SNTG1: variants seen among roughly 807,000 people sequenced by gnomAD.
SNTG1 encodes gamma-1-syntrophin.
SNTG1 carries 39 observed loss-of-function variants against 74.7 expected under a neutral mutation model. The ratio of observed to expected loss-of-function variants is 0.52; its 90% CI spans 0.40 to 0.68. The LOEUF is 0.68. SNTG1 is among the 30% of genes least tolerant of loss of function. The probability of loss-of-function intolerance (pLI) is 0.00; values close to 1 mark genes in which losing one functional copy is unlikely to be tolerated. For missense variants in SNTG1, 685 were observed against 609.5 expected, an observed-to-expected ratio of 1.12 and a Z score of -1.30; for synonymous variants, 254 against 217.1, an observed-to-expected ratio of 1.17 and a Z score of -1.49.
intron 15 of SNTG1, among the ~76,000 whole-genome samples, chr8:50,676,604 A>G (rs1464787400): frequency 2.6e-5 from 4 of 151,356 alleles, no homozygotes; most frequent in Non-Finnish European, 5.9e-5. Flanking sequence ...ACCGTTTCTG[A>G]TTCTTTTAGT....
At chr8:50,394,293 A>C in intron 3 of SNTG1, 28 bp downstream of exon 3, 1 of 1,606,206 alleles carries the variant, frequency 6.2e-7, no homozygotes, top group Non-Finnish European at 8.5e-7. Context: ...TGCTTTTCAA[A>C]CAGGGAAAAC....
chr8:50,291,223 A>C (rs1299633539), intron 2 of SNTG1, among the ~76,000 whole-genome samples: 1 of 136,442 alleles, frequency 7.3e-6, no homozygotes, highest in Non-Finnish European at 1.6e-5. Context: ...GTTTATATAT[A>C]AGAGAGAGAG....
chr8:50,448,343 T>TA (rs1242522514), intron 5 of SNTG1, among the ~76,000 whole-genome samples: 1 of 152,198 alleles, frequency 6.6e-6, no homozygotes, highest in Non-Finnish European at 1.5e-5. Flanking sequence ...CCTGCTTTTC[T>TA]AAAAAACTAT....
At chr8:50,791,768 T>C (rs1418610086) in intron 18 of SNTG1, among the ~76,000 whole-genome samples, 7 of 151,812 alleles carry the variant, frequency 4.6e-5, no homozygotes, top group African/African-American at 1.4e-4. Flanking sequence ...GATAAGTTCA[T>C]CGTATTGATT....
At chr8:50,709,892 T>C (rs2095456890) in intron 17 of SNTG1, among the ~76,000 whole-genome samples, 1 of 152,326 alleles carries the variant, frequency 6.6e-6, no homozygotes, top group Non-Finnish European at 1.5e-5. Context: ...TGAGTAATCC[T>C]TTACCAGAAC....
At chr8:50,137,698 G>A (rs998076313) in intron 1 of SNTG1, among the ~76,000 whole-genome samples, 14 of 152,152 alleles carry the variant, frequency 9.2e-5, no homozygotes, top group African/African-American at 3.4e-4. Flanking sequence ...AAGTGACATG[G>A]AGTAAACCAC....
chr8:50,212,912 C>A (rs776285725), intron 2 of SNTG1, among the ~76,000 whole-genome samples: 8 of 152,144 alleles, frequency 5.3e-5, no homozygotes. Flanking sequence ...TGTGAGAGAA[C>A]GTGTGGAAGC....
At chr8:50,175,918 G>A (rs2131680063) in intron 2 of SNTG1, among the ~76,000 whole-genome samples, 1 of 152,106 alleles carries the variant, frequency 6.6e-6, no homozygotes, top group Admixed American at 6.6e-5. Context: ...AGCTAGGCTG[G>A]CTTCACATTG....
chr8:50,294,362 T>G (rs1431613642), intron 2 of SNTG1, among the ~76,000 whole-genome samples: 1 of 152,218 alleles, frequency 6.6e-6, no homozygotes, highest in Non-Finnish European at 1.5e-5. Flanking sequence ...AAGCTTTCTA[T>G]GCCTTTTAAA....
intron 13 of SNTG1, among the ~76,000 whole-genome samples, chr8:50,639,587 A>G (rs1368720116): frequency 1.3e-5 from 2 of 152,076 alleles, no homozygotes; most frequent in African/African-American, 2.4e-5. Flanking sequence ...AATTGTGTGC[A>G]ATCATGCTTA....
At chr8:50,347,830 C>T (rs955013527) in intron 2 of SNTG1, among the ~76,000 whole-genome samples, 6 of 152,128 alleles carry the variant, frequency 3.9e-5, no homozygotes, top group South Asian at 4.1e-4. Flanking sequence ...GTAAGACATA[C>T]GTACTTAAAT....
At chr8:50,467,917 A>G (rs1311591401) in intron 8 of SNTG1, among the ~76,000 whole-genome samples, 1 of 151,902 alleles carries the variant, frequency 6.6e-6, no homozygotes, top group Admixed American at 6.6e-5. Context: ...AGTACTGATT[A>G]ACCTCCAAAT....
intron 2 of SNTG1, among the ~76,000 whole-genome samples, chr8:50,371,800 G>A (rs1117213): frequency 0.26 from 38,971 of 151,852 alleles, 5,324 homozygotes; most frequent in South Asian, 0.35. Flanking sequence ...GTCCTACTTC[G>A]TGTCTTCTGA....
chr8:50,232,152 A>T (rs990238883), intron 2 of SNTG1, among the ~76,000 whole-genome samples: 6 of 151,440 alleles, frequency 4.0e-5, no homozygotes, highest in Admixed American at 1.3e-4. Flanking sequence ...GGCAAAAATA[A>T]ATAAACTACA....
intron 1 of SNTG1, among the ~76,000 whole-genome samples, chr8:50,028,346 G>A (rs564172841): frequency 2.6e-5 from 4 of 152,060 alleles, no homozygotes; most frequent in East Asian, 3.9e-4. Flanking sequence ...TAAACAGTCT[G>A]TTTAACCACT....
At chr8:50,519,086 C>A (rs980504884) in intron 9 of SNTG1, among the ~76,000 whole-genome samples, 1 of 152,194 alleles carries the variant, frequency 6.6e-6, no homozygotes, top group East Asian at 1.9e-4. Context: ...TCCAGCAGCA[C>A]ATCAAAAAGC....
chr8:50,511,681 G>A (rs941261767), intron 9 of SNTG1, among the ~76,000 whole-genome samples: 2 of 152,038 alleles, frequency 1.3e-5, no homozygotes, highest in African/African-American at 4.8e-5. Flanking sequence ...GGCCTTCTTT[G>A]TCTCTTTTCA....
chr8:50,611,469 G>A (rs191073621), intron 13 of SNTG1, among the ~76,000 whole-genome samples: 62 of 152,186 alleles, frequency 4.1e-4, no homozygotes, highest in Admixed American at 2.2e-3. Context: ...ATATTTGATT[G>A]TTTTCACTGC....
intron 1 of SNTG1, among the ~76,000 whole-genome samples, chr8:50,147,642 G>C (rs961623682): frequency 1.9e-4 from 29 of 152,290 alleles, no homozygotes; most frequent in South Asian, 4.1e-4. Context: ...TAAGCCAGGA[G>C]GGATGGTGGG....
Sources: allele counts gnomAD v4.1 joint callset (sites outside exome capture counted in the v4.1 genomes callset), GRCh38; gene constraint gnomAD v4.1.1; transcripts MANE v1.5; gene names NCBI Gene and HGNC (gene_info 2026-07-23, HGNC 2026-07-21).